Variants in RAB3GAP2 observed in about 807,000 individuals in gnomAD.
RAB3GAP2 encodes the protein rab3 GTPase-activating protein non-catalytic subunit.
Under a neutral mutation model 185.3 loss-of-function variants are expected in RAB3GAP2, and 87 were observed. The observed-to-expected ratio is 0.47, with a 90% CI of 0.39 to 0.56. RAB3GAP2 has a LOEUF of 0.56. Among genes scored for constraint, RAB3GAP2 ranks in the 20% least tolerant of loss-of-function variants. The pLI is 0.00. For synonymous variants in RAB3GAP2, 554 were observed against 576.1 expected (o/e 0.96, Z 0.55); for missense variants, 1,492 against 1,638.2 (o/e 0.91, Z 1.54).
chr1:220,205,828 C>T, intron 8 of RAB3GAP2, 79 bp downstream of exon 8: 12 of 1,067,580 alleles, frequency 1.1e-5, no homozygotes, highest in Non-Finnish European at 1.5e-5. Flanking sequence ...ATTTAGAAGA[C>T]ATACTTAATT....
chr1:220,206,080 C>A, intron 7 of RAB3GAP2, 74 bp from the exon 8 acceptor site: 1 of 965,002 alleles, frequency 1.0e-6, no homozygotes, highest in South Asian at 1.5e-5. Flanking sequence ...TACTGAATTT[C>A]ACGAATAATG....
At position 220,253,918 on chromosome 1, in the gene RAB3GAP2, A is replaced by C; in HGVS notation, c.115+18305T>G. 1.9e-6 allele frequency: 3 copies of C among 1,613,594 alleles called. 1 individual carries two copies. In the South Asian group the frequency reaches 3.3e-5, roughly 18 times the overall value. On this transcript the variant is annotated intron_variant, in intron 1 of 34. Coordinates refer to ENST00000358951, the MANE Select transcript of RAB3GAP2 (RefSeq NM_012414.4). ...GAAAACGAAAAAGAACAAACAGAAA[A>C]CACCTGGAAATGGAGATGGTGGCAG...
chr1:220,240,448 C>T (rs768009823), intron 1 of RAB3GAP2, among the ~76,000 whole-genome samples: 1 of 152,060 alleles, frequency 6.6e-6, no homozygotes, highest in Non-Finnish European at 1.5e-5. Context: ...ATTCTGTTTA[C>T]ATTCTTATCC....
At chr1:220,207,472 CT>C (rs1658989906) in intron 7 of RAB3GAP2, 1 of 152,224 alleles carries the variant, frequency 6.6e-6, no homozygotes, top group Non-Finnish European at 1.5e-5. Context: ...AATTTCTTCT[CT>C]TGAAATCTGC....
intron 17 of RAB3GAP2, among the ~76,000 whole-genome samples, chr1:220,189,105 G>C (rs6669619): frequency 0.089 from 13,505 of 152,006 alleles, 1,370 homozygotes; most frequent in African/African-American, 0.24. Flanking sequence ...TGGGACTGAG[G>C]GGGGACACTC....
rs781636857 is a variant in RAB3GAP2, at chr1:220,210,825, T to C, written c.486A>G (p.Ser162=). 2.5e-6 allele frequency: 4 copies of C among 1,613,494 alleles called. No individual in the cohort carries two copies. In the South Asian group the frequency reaches 4.4e-5, roughly 18 times the overall value. Residue 162 remains serine, a synonymous_variant, in exon 6 of 35, where the codon TCA becomes TCG. Transcript: ENST00000358951. ...DWTCIVVGFT[S]GYVRFYTENG... ...CCTCAGTGTAGAAGCGTACATAACC[T>C]GAAGTAAAACCCACCACAATGCAGG...
intron 17 of RAB3GAP2, among the ~76,000 whole-genome samples, chr1:220,188,035 G>A (rs1281433262): frequency 1.3e-5 from 2 of 150,462 alleles, no homozygotes; most frequent in Admixed American, 1.3e-4. Context: ...TGTCAGAATC[G>A]AACTGAATTA....
Position 220,268,275 on chromosome 1 carries a change from C to T in RAB3GAP2, c.115+3948G>A, listed in dbSNP as rs879938959. Among the ~76,000 whole-genome samples, 9 of 152,182 alleles carry T rather than the reference C, an allele frequency of 5.9e-5. 1 individual carries two copies. In the South Asian group the frequency reaches 6.2e-4, roughly 11 times the overall value. On this transcript the variant is annotated intron_variant, in intron 1 of 34. Coordinates refer to ENST00000358951, the MANE Select transcript of RAB3GAP2 (RefSeq NM_012414.4). ...TTTACGTTCAAAACTCTTTATATTA[C>T]GGCTTGGCCTAGACTATCTTAAAAG...
chr1:220,196,493 T>C (rs1259147179), intron 9 of RAB3GAP2, 95 bp from the exon 10 acceptor site: 3 of 1,244,096 alleles, frequency 2.4e-6, no homozygotes, highest in Non-Finnish European at 3.4e-6. Context: ...ATGTTTAGTT[T>C]TATTTAATAA....
intron 2 of RAB3GAP2, chr1:220,219,552 C>T (rs1209873475): frequency 1.3e-5 from 2 of 152,178 alleles, no homozygotes; most frequent in East Asian, 1.9e-4. Context: ...AAAGACTAGA[C>T]CCTCGATGTT....
chr1:220,194,429 G>T (rs1658685010), intron 12 of RAB3GAP2, among the ~76,000 whole-genome samples: 1 of 151,350 alleles, frequency 6.6e-6, no homozygotes, highest in African/African-American at 2.4e-5. Context: ...TTTCGCTCTT[G>T]TCCCCCACTC....
rs915652428 is a variant in RAB3GAP2, at chr1:220,246,013, C to T, written c.116-13150G>A. On this transcript the variant is annotated intron_variant, in intron 1 of 34. Coordinates refer to ENST00000358951, the MANE Select transcript of RAB3GAP2 (RefSeq NM_012414.4). ...AAAGGACATCCACACCGAAAATTTT[C>T]GCAACCTACCCATCTGACAAAGGGC... is the stretch of plus-strand genomic sequence containing the variant. Among the ~76,000 whole-genome samples, 5 of 152,248 alleles carry T rather than the reference C, an allele frequency of 3.3e-5. No homozygotes were observed. In the East Asian group the frequency reaches 5.8e-4, roughly 18 times the overall value.
chr1:220,233,792 C>G (rs1659544224), intron 1 of RAB3GAP2, among the ~76,000 whole-genome samples: 1 of 152,110 alleles, frequency 6.6e-6, no homozygotes, highest in Admixed American at 6.5e-5. Context: ...CCTCTGCCTC[C>G]CGCGTTCAAG....
chr1:220,268,408 C>T (rs1660269589), intron 1 of RAB3GAP2, among the ~76,000 whole-genome samples: 1 of 152,184 alleles, frequency 6.6e-6, no homozygotes, highest in African/African-American at 2.4e-5. Flanking sequence ...GAATACAGTA[C>T]TTCTTGAATA....
intron 9 of RAB3GAP2, among the ~76,000 whole-genome samples, chr1:220,197,763 C>A (rs1558152119): frequency 6.6e-6 from 1 of 152,098 alleles, no homozygotes; most frequent in African/African-American, 2.4e-5. Context: ...GACAATTTTG[C>A]AATAGATATG....
chr1:220,168,040 G>C (rs1418882616), intron 24 of RAB3GAP2, among the ~76,000 whole-genome samples: 1 of 152,122 alleles, frequency 6.6e-6, no homozygotes, highest in Non-Finnish European at 1.5e-5. Flanking sequence ...AATGAAAATA[G>C]ATTGGTTAGT....
At chr1:220,204,857 A>G (rs1278711461) in intron 8 of RAB3GAP2, among the ~76,000 whole-genome samples, 3 of 150,456 alleles carry the variant, frequency 2.0e-5, no homozygotes, top group Admixed American at 1.3e-4. Context: ...TGTCCTTGCG[A>G]TAGTTTGCTG....
At chr1:220,253,878 G>T in intron 1 of RAB3GAP2, 2 of 1,613,334 alleles carry the variant, frequency 1.2e-6, no homozygotes, top group Non-Finnish European at 1.7e-6. Context: ...GTCTGCAACA[G>T]AAAAATGTTG....
rs575050863 is a variant in RAB3GAP2 at position 220,254,027 on chromosome 1, G to A, written c.115+18196C>T. 1.1e-5 allele frequency: 18 copies of A among 1,613,946 alleles called. No individual in the cohort carries two copies. The East Asian group carries it at 3.8e-4, about 34-fold the overall frequency. On this transcript the variant is annotated intron_variant, in intron 1 of 34. Transcript: ENST00000358951. Reference sequence around the variant, plus strand: ...GAAAATGAGGAAACATTCATGAACAGAGTTGAAGTTAAAGTAAAGATTCCT... The same window carrying A: ...GAAAATGAGGAAACATTCATGAACAAAGTTGAAGTTAAAGTAAAGATTCCT...
Sources: gnomAD v4.1 joint callset for allele counts (sites outside exome capture counted in the v4.1 genomes callset) on GRCh38, gnomAD v4.1.1 for gene constraint, MANE v1.5 for transcripts, NCBI Gene and HGNC (gene_info 2026-07-23, HGNC 2026-07-21) for gene names.